Variants in DYTN observed in about 807,000 individuals in gnomAD.
DYTN encodes the protein dystrotelin.
A neutral mutation model predicts 69.6 loss-of-function variants in DYTN; 75 were observed. That is an observed-to-expected ratio of 1.08 (90% CI 0.89 to 1.31). DYTN has a LOEUF of 1.31. Among genes scored for constraint, DYTN ranks in the 50% most tolerant of loss-of-function variants. The pLI is 0.00. For synonymous variants in DYTN, 252 were observed against 249.1 expected, an observed-to-expected ratio of 1.01 and a Z score of -0.11; for missense variants, 726 against 688.4, an observed-to-expected ratio of 1.05 and a Z score of -0.61.
chr2:206,707,469 G>A lies in DYTN; in HGVS notation c.129C>T (p.Val43=), dbSNP rs749056099. ...DLIDSSLIQQ[V]LLRPSFWEAR... is the part of the protein sequence containing the mutation. ...CTTCCCAGAAACTTGGACGCAGTAGGACCTGCTGAATCAGGGAGCTGTCAA... is the reference window on the plus strand; with the variant it reads ...CTTCCCAGAAACTTGGACGCAGTAGAACCTGCTGAATCAGGGAGCTGTCAA... The change falls in exon 3 of 12, where the codon GTC becomes GTT. Residue 43 remains valine (V), a synonymous_variant. Coordinates refer to ENST00000452335, the MANE Select transcript of DYTN (RefSeq NM_001093730.1). 9.3e-6 allele frequency: 15 copies of A among 1,611,876 alleles called. No homozygotes were observed. Among genetic ancestry groups the A allele is most frequent in the South Asian group, 8.9e-5 (8 of 90,288 alleles).
At chr2:206,656,928 A>G (rs1264275850) in intron 11 of DYTN, among the ~76,000 whole-genome samples, 1 of 151,796 alleles carries the variant, frequency 6.6e-6, no homozygotes, top group Non-Finnish European at 1.5e-5. Context: ...ACGTCCGGCT[A>G]ATTTTGTAGT....
At chr2:206,683,864 G>A (rs1699779067) in intron 9 of DYTN, among the ~76,000 whole-genome samples, 1 of 151,860 alleles carries the variant, frequency 6.6e-6, no homozygotes, top group Admixed American at 6.6e-5. Flanking sequence ...TCAAAACTTT[G>A]ATCAAATGTC....
intron 9 of DYTN, among the ~76,000 whole-genome samples, chr2:206,690,434 T>A (rs1699852490): frequency 6.6e-6 from 1 of 151,928 alleles, no homozygotes; most frequent in African/African-American, 2.4e-5. Context: ...CACAAAAAAG[T>A]TTGTGCAGAG....
chr2:206,681,806 A>G (rs755245421), intron 9 of DYTN, among the ~76,000 whole-genome samples: 1 of 152,196 alleles, frequency 6.6e-6, no homozygotes, highest in Non-Finnish European at 1.5e-5. Flanking sequence ...TTTTGCATCA[A>G]TGTTCATCAG....
chr2:206,703,907 A>G (rs976925609), intron 5 of DYTN, among the ~76,000 whole-genome samples: 4 of 152,200 alleles, frequency 2.6e-5, no homozygotes, highest in Admixed American at 2.6e-4. Context: ...CACGCAAGAC[A>G]ATCCAGAGCC....
chr2:206,681,914 T>A (rs765560784), intron 9 of DYTN, among the ~76,000 whole-genome samples: 4 of 152,220 alleles, frequency 2.6e-5, no homozygotes, highest in Non-Finnish European at 5.9e-5. Context: ...GAGGAGTCCC[T>A]GCTTTTCAAT....
At chr2:206,666,265 C>A (rs1699571710) in intron 9 of DYTN, among the ~76,000 whole-genome samples, 1 of 152,168 alleles carries the variant, frequency 6.6e-6, no homozygotes, top group Admixed American at 6.5e-5. Flanking sequence ...ATTCTCCTGC[C>A]TCAGCCTCCT....
chr2:206,710,760 C>T (rs756596494), intron 1 of DYTN, among the ~76,000 whole-genome samples, 162 bp from the exon 2 acceptor site: 5 of 151,788 alleles, frequency 3.3e-5, no homozygotes, highest in Non-Finnish European at 7.4e-5. Context: ...TAAAAATAGA[C>T]TTACATTATT....
At chr2:206,660,999 T>C (rs1290941618) in intron 11 of DYTN, among the ~76,000 whole-genome samples, 1 of 152,048 alleles carries the variant, frequency 6.6e-6, no homozygotes, top group African/African-American at 2.4e-5. Flanking sequence ...TTTAAAGAGA[T>C]AATTAAGTTA....
rs559859072 is a variant in DYTN at position 206,706,233 on chromosome 2, AC to A, written c.297-361del. 9.2e-5 allele frequency among the ~76,000 whole-genome samples: 14 copies of A among 152,162 alleles called. No homozygotes were observed. The East Asian group carries it at 2.5e-3, about 27-fold the overall frequency. On this transcript the variant is annotated intron_variant, in intron 3 of 11. Coordinates refer to ENST00000452335, the MANE Select transcript of DYTN (RefSeq NM_001093730.1). Reference sequence around the variant, plus strand: ...AACCAAGCAACAGAGATAAGGAAGGACCAAAAGGCAGGCACAGGAACAAATA... The same window carrying A: ...AACCAAGCAACAGAGATAAGGAAGGACAAAAGGCAGGCACAGGAACAAATA...
chr2:206,671,462 C>T (rs902719307), intron 9 of DYTN, among the ~76,000 whole-genome samples: 4 of 152,180 alleles, frequency 2.6e-5, no homozygotes, highest in South Asian at 2.1e-4. Context: ...ACAGCTTCCA[C>T]GTGCATAGCA....
chr2:206,661,754 C>G (rs2115587), intron 11 of DYTN, among the ~76,000 whole-genome samples: 14,934 of 152,182 alleles, frequency 0.098, 895 homozygotes, highest in Non-Finnish European at 0.14. Context: ...TTCCAGTCAA[C>G]AGTAGGCTAT....
At chr2:206,709,513 G>C (rs1430509386) in intron 2 of DYTN, among the ~76,000 whole-genome samples, 1 of 151,832 alleles carries the variant, frequency 6.6e-6, no homozygotes, top group Non-Finnish European at 1.5e-5. Context: ...AAATAGAGAA[G>C]GATGGAGTTG....
At chr2:206,700,854 A>G (rs1450245737) in intron 5 of DYTN, among the ~76,000 whole-genome samples, 1 of 152,202 alleles carries the variant, frequency 6.6e-6, no homozygotes, top group Non-Finnish European at 1.5e-5. Context: ...GAGTGAGAAC[A>G]TGCAGTGTTT....
chr2:206,696,519 T>C (rs1699921234), intron 7 of DYTN, among the ~76,000 whole-genome samples: 1 of 152,230 alleles, frequency 6.6e-6, no homozygotes, highest in South Asian at 2.1e-4. Flanking sequence ...GCATGTTCTA[T>C]GTGCAGGCAG....
At chr2:206,668,549 A>G (rs1574589461) in intron 9 of DYTN, among the ~76,000 whole-genome samples, 1 of 152,192 alleles carries the variant, frequency 6.6e-6, no homozygotes, top group East Asian at 1.9e-4. Context: ...CTGCCTTTCT[A>G]TACTTTTATA....
At chr2:206,689,393 A>G (rs1032221673) in intron 9 of DYTN, among the ~76,000 whole-genome samples, 3 of 152,234 alleles carry the variant, frequency 2.0e-5, no homozygotes, top group African/African-American at 7.2e-5. Context: ...TGATTTAGTA[A>G]TATTCCACAT....
At chr2:206,709,919 TA>T (rs1700063665) in intron 2 of DYTN, among the ~76,000 whole-genome samples, 1 of 152,178 alleles carries the variant, frequency 6.6e-6, no homozygotes, top group South Asian at 2.1e-4. Flanking sequence ...CATTTTACCT[TA>T]TTTTGCCTAG....
At chr2:206,687,733 G>A (rs111589199) in intron 9 of DYTN, among the ~76,000 whole-genome samples, 1,638 of 152,140 alleles carry the variant, frequency 0.011, 35 homozygotes, top group African/African-American at 0.038. Flanking sequence ...AGCCAATTAT[G>A]CATTATTTTT....
Sources: gnomAD v4.1 joint callset for allele counts (sites outside exome capture counted in the v4.1 genomes callset) on GRCh38, gnomAD v4.1.1 for gene constraint, MANE v1.5 for transcripts, NCBI Gene and HGNC (gene_info 2026-07-23, HGNC 2026-07-21) for gene names.